Variants in FHIP1B observed in about 807,000 individuals in gnomAD.
The protein encoded by FHIP1B is FHF complex subunit HOOK-interacting protein 1B.
A neutral mutation model predicts 82.2 loss-of-function variants in FHIP1B; 28 were observed. That is an observed-to-expected ratio of 0.34 (90% confidence interval 0.25 to 0.47). FHIP1B has a LOEUF of 0.47. FHIP1B is among the 20% of genes least tolerant of loss of function. The probability of loss-of-function intolerance (pLI) is 1.00; values close to 1 mark genes in which losing one functional copy is unlikely to be tolerated. For synonymous variants in FHIP1B, 585 were observed against 516.1 expected (o/e 1.13, Z -1.81); for missense variants, 1,110 against 1,262.6 (o/e 0.88, Z 1.83).
At chr11:6,226,191 T>C (rs1224843706) in intron 1 of FHIP1B, among the ~76,000 whole-genome samples, 1 of 152,182 alleles carries the variant, frequency 6.6e-6, no homozygotes, top group African/African-American at 2.4e-5. Context: ...AGATACTCTC[T>C]CACACAATTT....
intron 1 of FHIP1B, among the ~76,000 whole-genome samples, chr11:6,231,556 T>C (rs1271926640): frequency 6.7e-6 from 1 of 148,756 alleles, no homozygotes; most frequent in African/African-American, 2.5e-5. Context: ...CTGCAACCTC[T>C]GCCTCCCAGG....
intron 11 of FHIP1B, 124 bp downstream of exon 11, chr11:6,214,287 G>A (rs1472315707): frequency 8.7e-7 from 1 of 1,154,988 alleles, no homozygotes; most frequent in African/African-American, 1.5e-5. Context: ...CAAACATGAA[G>A]ACTCAATTTT....
At chr11:6,211,958 G>A (rs916161904) in intron 11 of FHIP1B, 91 bp from the exon 12 acceptor site, 278 of 1,470,498 alleles carry the variant, frequency 1.9e-4, no homozygotes, top group Non-Finnish European at 2.3e-4. Context: ...CTAGGTTCTT[G>A]GACTTCTCCT....
At chr11:6,218,504 C>G in intron 8 of FHIP1B, 96 bp downstream of exon 8, 1 of 1,548,656 alleles carries the variant, frequency 6.5e-7, no homozygotes, top group Non-Finnish European at 8.8e-7. Context: ...GGACACCTTC[C>G]TCCCCTTCAC....
chr11:6,234,184 T>A (rs889532217), intron 1 of FHIP1B, among the ~76,000 whole-genome samples: 1 of 152,006 alleles, frequency 6.6e-6, no homozygotes, highest in East Asian at 1.9e-4. Flanking sequence ...CTCACCAATT[T>A]GCCGCCACCC....
At chr11:6,213,158 C>G (rs1414947360) in intron 11 of FHIP1B, among the ~76,000 whole-genome samples, 1 of 152,184 alleles carries the variant, frequency 6.6e-6, no homozygotes, top group African/African-American at 2.4e-5. Flanking sequence ...AATACTAGAC[C>G]ATGAAGAAAC....
At chr11:6,226,505 G>T (rs1847568409) in intron 1 of FHIP1B, among the ~76,000 whole-genome samples, 1 of 152,202 alleles carries the variant, frequency 6.6e-6, no homozygotes. Flanking sequence ...GGCTATTAGA[G>T]GGTTCCACAG....
Position 6,217,651 on chromosome 11 carries a change from C to T in FHIP1B, c.1935G>A (p.Gly645=), listed in dbSNP as rs964156157. ...TTGGCACCAGACGAACCTTCTTGGC[C>T]CCCTCAGGCCATGATCCTGGCACTC... is the stretch of plus-strand genomic sequence containing the variant. ...LNGVPGSWPE[G]AKKVRLVPKE... The change falls in exon 9 of 12, where the codon GGG becomes GGA. Residue 645 remains glycine, a synonymous_variant. Coordinates refer to ENST00000449352, the MANE Select transcript of FHIP1B (RefSeq NM_001098794.2). 17 of 1,614,016 alleles carry T rather than the reference C, an allele frequency of 1.1e-5. No individual in the cohort carries two copies. The highest frequency in any genetic ancestry group is 1.4e-5 in the Non-Finnish European group (17 of 1,180,012).
intron 6 of FHIP1B, among the ~76,000 whole-genome samples, chr11:6,219,553 T>G (rs1847348144): frequency 6.6e-6 from 1 of 152,088 alleles, no homozygotes; most frequent in Non-Finnish European, 1.5e-5. Flanking sequence ...GAAGTCTGAG[T>G]CACCTCTCTA....
In FHIP1B at chr11:6,223,170, A is replaced by G. The variant is rs964356868; in HGVS notation, c.846T>C (p.Asp282=). The G allele has an allele frequency of 1.9e-6, 3 of 1,609,290 alleles. No homozygotes were observed. The African/African-American group carries it at 4.0e-5, about 22-fold the overall frequency. The change falls in exon 4 of 12, where the codon GAT becomes GAC. Residue 282 remains aspartate (D), a synonymous_variant. Coordinates refer to ENST00000449352, the MANE Select transcript of FHIP1B (RefSeq NM_001098794.2). This position sits in a 1 kb window ranked among gnomAD's most constrained non-coding sequence, Gnocchi z 4.8. ...AGTCTTCCCGTCGCAGACAGTGCCA[A>G]TCATCCCCTGGAACCTCAATCTTTC... ...LPRKIEVPGD[D]WHCLRREDWL...
At chr11:6,216,800 AG>A in intron 9 of FHIP1B, 1 of 517,190 alleles carries the variant, frequency 1.9e-6, no homozygotes, top group Non-Finnish European at 3.5e-6. Flanking sequence ...GCAACCAAGA[AG>A]GTACAAGGAA....
chr11:6,216,917 G>C (rs959031806), intron 9 of FHIP1B: 1 of 605,436 alleles, frequency 1.7e-6, no homozygotes, highest in Non-Finnish European at 2.9e-6. Context: ...CCCCAGGAGA[G>C]CTGACAGAAA....
intron 1 of FHIP1B, among the ~76,000 whole-genome samples, chr11:6,226,604 G>C (rs758237024): frequency 2.6e-5 from 4 of 152,124 alleles, no homozygotes. Flanking sequence ...AAAACAGTAC[G>C]TACAAAACTA....
rs367763962 is a variant in FHIP1B at position 6,214,514 on chromosome 11, T to C, written c.2454A>G (p.Pro818=). The change falls in exon 11 of 12, where the codon CCA becomes CCG. Residue 818 remains proline (P), a synonymous_variant. Coordinates refer to ENST00000449352, the MANE Select transcript of FHIP1B (RefSeq NM_001098794.2). ...ENFAASQEDF[P]ALLSKAKKYL... is the part of the protein sequence containing the mutation. ...ACTTCTTGGCTTTGGACAGCAGTGC[T>C]GGGAAGTCCTCCTGGGAAGCCGCAA... 1.9e-6 allele frequency: 3 copies of C among 1,614,074 alleles called. No individual in the cohort carries two copies. The African/African-American group carries it at 4.0e-5, about 22-fold the overall frequency.
rs766971976 is a variant in FHIP1B at position 6,218,123 on chromosome 11, G to A, written c.1463C>T (p.Ser488Phe). 21 of 1,612,538 alleles carry A rather than the reference G, an allele frequency of 1.3e-5. No individual in the cohort carries two copies. Among genetic ancestry groups the A allele is most frequent in the Non-Finnish European group, 1.7e-5 (20 of 1,179,212 alleles). The change falls in exon 9 of 12, where the codon TCT becomes TTT. Residue 488 changes from serine (S) to phenylalanine (F), a missense_variant. Coordinates refer to ENST00000449352, the MANE Select transcript of FHIP1B (RefSeq NM_001098794.2). The part of the protein sequence containing the change: ...RGPGSPSVDS[S>F]SVTTVPRPST... The stretch of plus-strand genomic sequence containing the variant: ...GGGCCGGGGTACTGTCGTCACAGAA[G>A]AGGAGTCCACACTTGGGCTTCCAGG...
At chr11:6,232,118 T>A (rs1847714396) in intron 1 of FHIP1B, among the ~76,000 whole-genome samples, 1 of 151,972 alleles carries the variant, frequency 6.6e-6, no homozygotes, top group Non-Finnish European at 1.5e-5. Context: ...GTATGTTTCA[T>A]CCTCTCAGAA....
At chr11:6,227,916 T>C (rs1005993256) in intron 1 of FHIP1B, among the ~76,000 whole-genome samples, 1 of 152,212 alleles carries the variant, frequency 6.6e-6, no homozygotes. Context: ...TGTATAGTTC[T>C]ATAGAAAGAT....
At chr11:6,233,697 G>T (rs955746652) in intron 1 of FHIP1B, among the ~76,000 whole-genome samples, 1 of 152,282 alleles carries the variant, frequency 6.6e-6, no homozygotes, top group East Asian at 1.9e-4. Flanking sequence ...CTCCATAAAA[G>T]TAGAATTAGC....
chr11:6,211,464 C>T lies in FHIP1B; in HGVS notation c.*42G>A. 2 of 1,527,704 alleles carry T rather than the reference C, an allele frequency of 1.3e-6. No homozygotes were observed. The highest frequency in any genetic ancestry group is 1.8e-6 in the Non-Finnish European group (2 of 1,142,356). The allele number at this position is 1,527,704 out of a possible 1,614,324, so 94.6% of individuals were successfully genotyped here. On this transcript the variant is annotated 3_prime_UTR_variant, in exon 12 of 12. Coordinates refer to ENST00000449352, the MANE Select transcript of FHIP1B (RefSeq NM_001098794.2). Reference sequence around the variant, plus strand: ...TAAAAAGGAGCCTGTGCCCTAGCCCCAGCCCGGGCCACCCATGGCCCTGAT... The same window carrying T: ...TAAAAAGGAGCCTGTGCCCTAGCCCTAGCCCGGGCCACCCATGGCCCTGAT...
Sources: allele counts gnomAD v4.1 joint callset (sites outside exome capture counted in the v4.1 genomes callset), GRCh38; gene constraint gnomAD v4.1.1; non-coding constraint Gnocchi (gnomAD v3.1); transcripts MANE v1.5; gene names NCBI Gene and HGNC (gene_info 2026-07-23, HGNC 2026-07-21).